ECI1: variants seen among roughly 807,000 people sequenced by gnomAD.
ECI1 encodes enoyl-CoA delta isomerase 1, mitochondrial.
A neutral mutation model predicts 34.2 loss-of-function variants in ECI1; 34 were observed. That is an observed-to-expected ratio of 1.00 (90% CI 0.76 to 1.33). The LOEUF is 1.33. Among genes scored for constraint, ECI1 ranks in the 40% most tolerant of loss-of-function variants. ECI1 has a pLI of 0.00. For missense variants in ECI1, 456 were observed against 422.2 expected (o/e 1.08, Z -0.70); for synonymous variants, 211 against 193.0 (o/e 1.09, Z -0.77).
At position 2,243,095 on chromosome 16, in the gene ECI1, C is replaced by A; in HGVS notation, c.693G>T (p.Gln231His). Residue 231 changes from glutamine (Q) to histidine (H), a missense_variant, in exon 6 of 7, where the codon CAG becomes CAT. Gln to His is a conservative substitution (Grantham distance 24). Coordinates refer to ENST00000301729, the MANE Select transcript of ECI1 (RefSeq NM_001919.4). ...TCGCTGACAGCGCAGTGCTCTGCACCTGCTCCTCCGGGACCACCTGGTCCA... is the reference window on the plus strand; with the variant it reads ...TCGCTGACAGCGCAGTGCTCTGCACATGCTCCTCCGGGACCACCTGGTCCA... ...GIVDQVVPEE[Q>H]VQSTALSAIA... 3 of 1,605,590 alleles carry A rather than the reference C, an allele frequency of 1.9e-6. No homozygotes were observed. The highest frequency in any genetic ancestry group is 2.5e-6 in the Non-Finnish European group (3 of 1,179,914).
Position 2,250,361 on chromosome 16 carries a change from CAG to C in ECI1, c.166+953_166+954del, listed in dbSNP as rs375057665. 1.1e-3 allele frequency among the ~76,000 whole-genome samples: 172 copies of C among 151,628 alleles called. 2 individuals are homozygous for C. In the East Asian group the frequency reaches 0.027, roughly 24 times the overall value. Reference sequence around the variant, plus strand: ...GCCCAGGCAGCTCCCTCAGCCCAGACAGAGAGGACGGAACCAAGTTCAGAGGC... The same window carrying C: ...GCCCAGGCAGCTCCCTCAGCCCAGACAGAGGACGGAACCAAGTTCAGAGGC... On this transcript the variant is annotated intron_variant, in intron 2 of 6. Coordinates refer to ENST00000301729, the MANE Select transcript of ECI1 (RefSeq NM_001919.4).
Position 2,244,476 on chromosome 16 carries a change from T to A in ECI1, c.371A>T (p.Tyr124Phe). 1 of 1,611,282 alleles carries A rather than the reference T, an allele frequency of 6.2e-7. No homozygotes were observed. Among genetic ancestry groups the A allele is most frequent in the Non-Finnish European group, 8.5e-7 (1 of 1,179,332 alleles). ...CCACAGCTCCTGAACGGCCTTCCAG[T>A]ACCCAGCGTAGTGGGCGGGGCTCCT... ...CGRSPAHYAG[Y>F]WKAVQELWLR... Residue 124 changes from tyrosine to phenylalanine, a missense_variant, in exon 4 of 7, where the codon TAC becomes TTC. Transcript: ENST00000301729.
intron 2 of ECI1, among the ~76,000 whole-genome samples, chr16:2,250,401 G>A (rs2093550612): frequency 6.6e-6 from 1 of 152,194 alleles, no homozygotes; most frequent in African/African-American, 2.4e-5. Context: ...CAGGAGCCTG[G>A]AGTCCTGAAG....
intron 2 of ECI1, among the ~76,000 whole-genome samples, chr16:2,249,919 T>G (rs2093549132): frequency 7.5e-6 from 1 of 134,102 alleles, no homozygotes; most frequent in Admixed American, 7.8e-5. Context: ...AAAGTAGAGT[T>G]TGGAGTCAGA....
chr16:2,240,286 A>G, intron 6 of ECI1, 141 bp from the exon 7 acceptor site: 2 of 875,530 alleles, frequency 2.3e-6, no homozygotes, highest in Non-Finnish European at 3.5e-6. Flanking sequence ...ATCTTGGCTC[A>G]CTGCAACCTC....
chr16:2,251,268 CGCGGGTCCT>C, intron 2 of ECI1, 39 bp downstream of exon 2: 1 of 964,948 alleles, frequency 1.0e-6, no homozygotes, highest in Non-Finnish European at 1.3e-6. Flanking sequence ...CGCGGACCCC[CGCGGGTCCT>C]GACCCCACGC....
In ECI1 at chr16:2,251,303, G is replaced by A. The variant is rs1409380395; in HGVS notation, c.166+13C>T. 2.6e-6 allele frequency: 3 copies of A among 1,174,168 alleles called. No homozygotes were observed. Among genetic ancestry groups the A allele is most frequent in the South Asian group, 3.4e-5 (1 of 29,722 alleles). 72.7% of individuals were successfully genotyped at this position (1,174,168 alleles called of 1,614,324 possible). On this transcript the variant is annotated intron_variant, in intron 2 of 6. Coordinates refer to ENST00000301729, the MANE Select transcript of ECI1 (RefSeq NM_001919.4). ...GACCCCACGCCCGCCCTCCCTCGGC[G>A]CCGCCCGCTCACCTGCGCCCGCGTC...
intron 6 of ECI1, chr16:2,240,519 T>G (rs182953109): frequency 5.5e-5 from 15 of 274,564 alleles, no homozygotes; most frequent in Admixed American, 4.5e-4. Flanking sequence ...CCCTAATTTT[T>G]TTTTGTTTTG....
At chr16:2,241,793 G>A (rs1314798366) in intron 6 of ECI1, 1 of 151,688 alleles carries the variant, frequency 6.6e-6, no homozygotes, top group African/African-American at 2.4e-5. Context: ...CCAAGTTCAA[G>A]CGATTCTCCT....
Position 2,240,031 on chromosome 16 carries a change from A to G in ECI1, c.857T>C (p.Ile286Thr). Residue 286 changes from isoleucine to threonine, a missense_variant, in exon 7 of 7, where the codon ATC (isoleucine) becomes ACC (threonine). Coordinates refer to ENST00000301729, the MANE Select transcript of ECI1 (RefSeq NM_001919.4). ...TAAGTACATCTGCAGGGACTTCTGG[A>G]TGGAGTCTTTGGAGATGAAGCTGAC... ...NFVSFISKDS[I>T]QKSLQMYLER... 4 of 1,613,872 alleles carry G rather than the reference A, an allele frequency of 2.5e-6. No individual in the cohort carries two copies. The highest frequency in any genetic ancestry group is 3.4e-6 in the Non-Finnish European group (4 of 1,180,002).
At chr16:2,246,723 G>A in intron 3 of ECI1, 136 bp downstream of exon 3, 1 of 1,389,546 alleles carries the variant, frequency 7.2e-7, no homozygotes, top group African/African-American at 1.4e-5. Flanking sequence ...CTGGAGTCCA[G>A]GGTGGTGGGG....
chr16:2,244,629 C>G (rs1335924560), intron 3 of ECI1, 77 bp from the exon 4 acceptor site: 2 of 1,493,120 alleles, frequency 1.3e-6, no homozygotes, highest in Admixed American at 3.9e-5. Context: ...GCTGGGGAGC[C>G]CAGGTGCACG....
chr16:2,240,431 G>A (rs756282078), intron 6 of ECI1: 20 of 384,450 alleles, frequency 5.2e-5, no homozygotes, highest in Non-Finnish European at 9.4e-5. Flanking sequence ...GGCTGGTCCC[G>A]AACTCCTGAC....
At chr16:2,244,374 C>G (rs2141500207) in intron 4 of ECI1, 32 bp downstream of exon 4, 1 of 1,608,552 alleles carries the variant, frequency 6.2e-7, no homozygotes, top group East Asian at 2.2e-5. Flanking sequence ...CCAGAACAGC[C>G]AGCGAGGCCA....
At chr16:2,244,656 G>C in intron 3 of ECI1, 104 bp from the exon 4 acceptor site, 1 of 1,285,512 alleles carries the variant, frequency 7.8e-7, no homozygotes, top group Non-Finnish European at 1.1e-6. Context: ...AGCAGGGCCA[G>C]GTCACGCTCA....
At chr16:2,244,252 T>G in intron 4 of ECI1, 154 bp downstream of exon 4, 1 of 895,800 alleles carries the variant, frequency 1.1e-6, no homozygotes, top group Non-Finnish European at 1.8e-6. Context: ...ACACGCCCCG[T>G]GGTCTGCGAT....
At chr16:2,244,013 C>T (rs2093534318) in intron 4 of ECI1, 2 of 348,448 alleles carry the variant, frequency 5.7e-6, no homozygotes, top group South Asian at 2.4e-5. Context: ...CCCCGCAGGA[C>T]ACCCTGGTTC....
chr16:2,250,261 CAAAAAAAAA>C (rs560687371), intron 2 of ECI1, among the ~76,000 whole-genome samples: 6 of 67,636 alleles, frequency 8.9e-5, no homozygotes, highest in Admixed American at 2.9e-4. Flanking sequence ...ACTACATCTC[CAAAAAAAAA>C]AAAAAAAAAA....
chr16:2,243,440 CT>C lies in ECI1; in HGVS notation c.442-2del, dbSNP rs2093533250. 6.2e-7 allele frequency: 1 copy of C among 1,612,546 alleles called. No homozygotes were observed. Among genetic ancestry groups the C allele is most frequent in the South Asian group, 1.1e-5 (1 of 91,048 alleles). ...GGCAGCCTCCAGCGGGGCAGGCTCC[CT>C]GCAGGGAGAGGCCGGACAGGGCTCT... On this transcript the variant is annotated splice_acceptor_variant, in intron 4 of 6. Coordinates refer to ENST00000301729, the MANE Select transcript of ECI1 (RefSeq NM_001919.4). LOFTEE classifies it high-confidence loss of function.
Sources: gnomAD v4.1 joint callset for allele counts (sites outside exome capture counted in the v4.1 genomes callset) on GRCh38, gnomAD v4.1.1 for gene constraint, MANE v1.5 for transcripts, NCBI Gene and HGNC (gene_info 2026-07-23, HGNC 2026-07-21) for gene names.